The following AKAP1 variants were observed in gnomAD, a reference collection of about 807,000 sequenced individuals.
AKAP1 encodes the protein A-kinase anchor protein 1, mitochondrial.
AKAP1 carries 32 observed loss-of-function variants against 79.8 expected under a neutral mutation model. The ratio of observed to expected loss-of-function variants is 0.40; its 90% confidence interval spans 0.30 to 0.54. The LOEUF is 0.54. AKAP1 is among the 20% of genes least tolerant of loss of function. The pLI is 0.47. For synonymous variants in AKAP1, 416 were observed against 466.7 expected, an observed-to-expected ratio of 0.89 and a Z score of 1.40; for missense variants, 961 against 1,138.9, an observed-to-expected ratio of 0.84 and a Z score of 2.25.
intron 10 of AKAP1, among the ~76,000 whole-genome samples, chr17:57,120,035 AG>A (rs1222795028): frequency 1.3e-5 from 2 of 151,810 alleles, no homozygotes; most frequent in Non-Finnish European, 2.9e-5. Context: ...CATGTTGGCC[AG>A]GCTGGTCTCG....
At chr17:57,108,549 T>C (rs1915038058) in intron 2 of AKAP1, among the ~76,000 whole-genome samples, 1 of 152,232 alleles carries the variant, frequency 6.6e-6, no homozygotes, top group Admixed American at 6.5e-5. Flanking sequence ...TGTTGAAGTC[T>C]TCTGAGTTTA....
chr17:57,087,062 G>C (rs962039331), intron 1 of AKAP1, among the ~76,000 whole-genome samples: 1 of 152,136 alleles, frequency 6.6e-6, no homozygotes, highest in Non-Finnish European at 1.5e-5. Context: ...AGTTTTGTAG[G>C]TTCTGCATAA....
chr17:57,114,394 G>A (rs571769851), intron 5 of AKAP1, 65 bp from the exon 6 acceptor site: 30 of 1,572,064 alleles, frequency 1.9e-5, no homozygotes, highest in African/African-American at 1.3e-4. Context: ...CTTGGGTCTC[G>A]GGACTTATTC....
intron 3 of AKAP1, among the ~76,000 whole-genome samples, chr17:57,111,404 T>C (rs1915239026): frequency 6.6e-6 from 1 of 152,222 alleles, no homozygotes; most frequent in African/African-American, 2.4e-5. Flanking sequence ...TGTGTGCTGG[T>C]GAAACTTCTC....
chr17:57,110,190 G>C (rs748775167), intron 3 of AKAP1, 32 bp downstream of exon 3: 1 of 1,611,610 alleles, frequency 6.2e-7, no homozygotes, highest in South Asian at 1.1e-5. Flanking sequence ...CTGGTTCTGT[G>C]GTAAGCCCAA....
At chr17:57,097,304 T>TGTGA (rs143809329) in intron 1 of AKAP1, among the ~76,000 whole-genome samples, 2 of 152,054 alleles carry the variant, frequency 1.3e-5, no homozygotes, top group Non-Finnish European at 2.9e-5. Flanking sequence ...GGGGTGTGTG[T>TGTGA]GTGAGTGAGT....
chr17:57,088,924 C>T (rs1157067176), intron 1 of AKAP1, among the ~76,000 whole-genome samples: 2 of 152,122 alleles, frequency 1.3e-5, no homozygotes, highest in Non-Finnish European at 2.9e-5. Flanking sequence ...AGCCAGGTGT[C>T]ACTAAGGCCC....
At chr17:57,097,536 A>G (rs1914199083) in intron 1 of AKAP1, among the ~76,000 whole-genome samples, 1 of 152,228 alleles carries the variant, frequency 6.6e-6, no homozygotes, top group Admixed American at 6.5e-5. Context: ...GGAAGGGAGT[A>G]TGCCTCTGCC....
chr17:57,110,733 A>G (rs537373295), intron 3 of AKAP1, among the ~76,000 whole-genome samples: 1 of 152,356 alleles, frequency 6.6e-6, no homozygotes, highest in African/African-American at 2.4e-5. Flanking sequence ...TAAATATTTA[A>G]CAATTTAATT....
chr17:57,091,224 G>A (rs1913763451), intron 1 of AKAP1, among the ~76,000 whole-genome samples: 1 of 152,226 alleles, frequency 6.6e-6, no homozygotes, highest in Non-Finnish European at 1.5e-5. Context: ...TGGGAGAAAA[G>A]GCCGTGCTGC....
At chr17:57,111,663 C>T (rs1412657791) in intron 3 of AKAP1, 135 bp from the exon 4 acceptor site, 3 of 1,123,844 alleles carry the variant, frequency 2.7e-6, no homozygotes, top group Non-Finnish European at 3.8e-6. Flanking sequence ...TTAGAATAGT[C>T]CTGGAAAATA....
At chr17:57,090,765 C>T (rs944581545) in intron 1 of AKAP1, among the ~76,000 whole-genome samples, 2 of 152,172 alleles carry the variant, frequency 1.3e-5, no homozygotes, top group African/African-American at 2.4e-5. Flanking sequence ...ATGCAACCAT[C>T]GGGTGCTTTT....
In AKAP1 at chr17:57,105,557, C is replaced by G; in HGVS notation, c.93C>G (p.Gly31=). ...GGTGGTTTTTCTCTCGTAAAAAAGG[C>G]CATGTCAGCAGCCATGATGAGCAGC... ...GWWWFFSRKK[G]HVSSHDEQQV... Residue 31 remains glycine (G), a synonymous_variant, in exon 2 of 11, where the codon GGC becomes GGG. Coordinates refer to ENST00000337714, the MANE Select transcript of AKAP1 (RefSeq NM_003488.4). 1 of 1,614,080 alleles carries G rather than the reference C, an allele frequency of 6.2e-7. No homozygotes were observed. The highest frequency in any genetic ancestry group is 8.5e-7 in the Non-Finnish European group (1 of 1,180,006).
chr17:57,091,219 G>A (rs1913762875), intron 1 of AKAP1, among the ~76,000 whole-genome samples: 1 of 152,246 alleles, frequency 6.6e-6, no homozygotes, highest in South Asian at 2.1e-4. Context: ...GTCTCTGGGA[G>A]AAAAGGCCGT....
At position 57,106,888 on chromosome 17, in the gene AKAP1, C is replaced by T. The variant is rs1914918170; in HGVS notation, c.1424C>T (p.Pro475Leu). 1.2e-5 allele frequency: 19 copies of T among 1,613,866 alleles called. No homozygotes were observed. The highest frequency in any genetic ancestry group is 2.2e-5 in the East Asian group (1 of 44,874). ...LALTTPSEELPDRAGILVEDA... is the reference protein window; with the variant it reads ...LALTTPSEELLDRAGILVEDA... ...CTGACCACCCCCAGTGAAGAGTTGCCGGACCGGGCAGGCATCCTGGTGGAA... is the reference window on the plus strand; with the variant it reads ...CTGACCACCCCCAGTGAAGAGTTGCTGGACCGGGCAGGCATCCTGGTGGAA... The change falls in exon 2 of 11, where the codon CCG becomes CTG. Residue 475 changes from proline to leucine, a missense_variant. Physicochemically the swap from Pro to Leu is moderately conservative, Grantham distance 98. This residue lies in a region of AKAP1 where 629 missense variants were observed against 781.1 expected (regional missense o/e 0.81). Coordinates refer to ENST00000337714, the MANE Select transcript of AKAP1 (RefSeq NM_003488.4).
chr17:57,095,248 G>C (rs1327467574), intron 1 of AKAP1: 2 of 151,996 alleles, frequency 1.3e-5, no homozygotes, highest in African/African-American at 4.8e-5. Context: ...TGCAACCTCT[G>C]CCTCCTGGGT....
At position 57,106,937 on chromosome 17, in the gene AKAP1, G is replaced by A; in HGVS notation, c.1473G>A (p.Met491Ile). The A allele has an allele frequency of 6.2e-7, 1 of 1,614,092 alleles. No homozygotes were observed. The highest frequency in any genetic ancestry group is 8.5e-7 in the Non-Finnish European group (1 of 1,179,898). Residue 491 changes from methionine (M) to isoleucine (I), a missense_variant, in exon 2 of 11, where the codon ATG (methionine) becomes ATA (isoleucine). Coordinates refer to ENST00000337714, the MANE Select transcript of AKAP1 (RefSeq NM_003488.4). Reference protein sequence around the residue: ...LVEDATCVTCMSDSSQSVPLV... With the variant: ...LVEDATCVTCISDSSQSVPLV... ...AAGATGCCACCTGTGTCACCTGCAT[G>A]TCAGACAGCAGCCAAAGTGTCCCTT...
chr17:57,097,227 A>G (rs1914171158), intron 1 of AKAP1, among the ~76,000 whole-genome samples: 1 of 144,704 alleles, frequency 6.9e-6, no homozygotes, highest in Admixed American at 6.9e-5. Context: ...GCCTAAGGAA[A>G]TCCTGGCCCT....
intron 1 of AKAP1, chr17:57,095,352 A>G (rs2144654329): frequency 6.6e-6 from 1 of 151,584 alleles, no homozygotes; most frequent in Non-Finnish European, 1.5e-5. Flanking sequence ...TTTTTTTTGT[A>G]GATACAAGGT....
Sources: gnomAD v4.1 joint callset for allele counts (sites outside exome capture counted in the v4.1 genomes callset) on GRCh38, gnomAD v4.1.1 for gene constraint, gnomAD v4.1.1 regional missense constraint, MANE v1.5 for transcripts, NCBI Gene and HGNC (gene_info 2026-07-23, HGNC 2026-07-21) for gene names.